GABRG3: variants seen among roughly 807,000 people sequenced by gnomAD.
The protein encoded by GABRG3 is gamma-aminobutyric acid receptor subunit gamma-3.
GABRG3 carries 25 observed loss-of-function variants against 48.8 expected under a neutral mutation model. That is an observed-to-expected ratio of 0.51 (90% CI 0.37 to 0.72). GABRG3 has a LOEUF of 0.72. Ranked by LOEUF, GABRG3 falls within the 30% of genes least tolerant of loss-of-function variation. The pLI, the probability that GABRG3 is intolerant of heterozygous loss-of-function variation, is 0.00. For missense variants in GABRG3, 394 were observed against 577.9 expected, an observed-to-expected ratio of 0.68 and a Z score of 3.26; for synonymous variants, 227 against 217.6, an observed-to-expected ratio of 1.04 and a Z score of -0.38.
In GABRG3 at chr15:27,180,324, G is replaced by GAA. The variant is rs554080527; in HGVS notation, c.271-146477_271-146476dup. On this transcript the variant is annotated intron_variant, in intron 3 of 9. Coordinates refer to ENST00000615808, the MANE Select transcript of GABRG3 (RefSeq NM_033223.5). The surrounding 1 kb of genome is among the most constrained non-coding windows in gnomAD (Gnocchi z 4.2). ...AACGGGCAAATGGCTTGAGTGAAAG[G>GAA]AAAAAAAAATGAGATTGAACAAGAA... Among the ~76,000 whole-genome samples the GAA allele has an allele frequency of 3.3e-5, 5 of 149,984 alleles. No individual in the cohort carries two copies. Among genetic ancestry groups the GAA allele is most frequent in the African/African-American group, 9.8e-5 (4 of 40,798 alleles).
At chr15:27,328,326 C>T (rs942341251) in intron 4 of GABRG3, among the ~76,000 whole-genome samples, 2 of 152,164 alleles carry the variant, frequency 1.3e-5, no homozygotes, top group Non-Finnish European at 2.9e-5. Flanking sequence ...GGGGCTGCTG[C>T]CCTGGGAGGA....
chr15:27,212,147 T>C (rs1283178754), intron 3 of GABRG3, among the ~76,000 whole-genome samples: 1 of 152,196 alleles, frequency 6.6e-6, no homozygotes. Flanking sequence ...AGAAAACAAA[T>C]CAGTGTAACT....
intron 3 of GABRG3, among the ~76,000 whole-genome samples, chr15:27,197,913 T>C (rs1888547828): frequency 6.6e-6 from 1 of 152,212 alleles, no homozygotes; most frequent in Non-Finnish European, 1.5e-5. Flanking sequence ...TTTATAGTAT[T>C]ATCTGGTGGT....
intron 5 of GABRG3, among the ~76,000 whole-genome samples, chr15:27,336,144 G>A (rs367721721): frequency 2.0e-5 from 3 of 151,798 alleles, no homozygotes; most frequent in African/African-American, 7.3e-5. Flanking sequence ...AGCCAAGATC[G>A]TGCCATTGCA....
chr15:26,973,656 T>C (rs1188564605), intron 1 of GABRG3, among the ~76,000 whole-genome samples: 1 of 152,172 alleles, frequency 6.6e-6, no homozygotes, highest in Non-Finnish European at 1.5e-5. Context: ...TTGACACCCA[T>C]GGGCATCATA....
chr15:27,093,739 T>A (rs1897230701), intron 3 of GABRG3, among the ~76,000 whole-genome samples: 1 of 152,196 alleles, frequency 6.6e-6, no homozygotes, highest in Admixed American at 6.5e-5. Context: ...GGATACTCTG[T>A]AAGTCAGAGA....
At chr15:27,335,522 A>G (rs1893935010) in intron 5 of GABRG3, among the ~76,000 whole-genome samples, 1 of 152,204 alleles carries the variant, frequency 6.6e-6, no homozygotes, top group African/African-American at 2.4e-5. Flanking sequence ...TATACCACGG[A>G]TGTTCAGATG....
chr15:27,288,038 ATTTGTTGTGTCT>A (rs1223135201), intron 3 of GABRG3, among the ~76,000 whole-genome samples: 1 of 152,172 alleles, frequency 6.6e-6, no homozygotes, highest in East Asian at 1.9e-4. Flanking sequence ...TGCCTGGCCA[ATTTGTTGTGTCT>A]TATACACTGT....
rs550996400 is a variant in GABRG3, at chr15:27,532,851, G to T, written c.1374G>T (p.Leu458=). The part of the protein sequence containing the change: ...FFPTSFLLFN[L]VYWVGYLYL ...CCACGTCCTTCCTGCTCTTTAACCT[G>T]GTCTACTGGGTTGGATACCTGTATC... The change falls in exon 10 of 10, where the codon CTG becomes CTT. Residue 458 remains leucine, a synonymous_variant. Transcript: ENST00000615808. The T allele has an allele frequency of 3.0e-5, 49 of 1,613,936 alleles. No homozygotes were observed. The South Asian group carries it at 5.4e-4, about 18-fold the overall frequency.
Position 27,336,255 on chromosome 15 carries a change from AAAAG to A in GABRG3, c.574+7380_574+7383del, listed in dbSNP as rs150626796. 1.0e-3 allele frequency among the ~76,000 whole-genome samples: 156 copies of A among 149,920 alleles called. 1 individual carries two copies. The highest frequency in any genetic ancestry group is 6.8e-3 in the Middle Eastern group (2 of 292). On this transcript the variant is annotated intron_variant, in intron 5 of 9. Coordinates refer to ENST00000615808, the MANE Select transcript of GABRG3 (RefSeq NM_033223.5). ...GAGAGGAGAAGAAAAGAAAGAAAGA[AAAAG>A]AAAGAAAGAAAGGAAGGAGAGACAG...
chr15:27,145,619 A>ATCTATCTG (rs1361694789), intron 3 of GABRG3, among the ~76,000 whole-genome samples: 9 of 145,030 alleles, frequency 6.2e-5, no homozygotes, highest in African/African-American at 2.1e-4. Context: ...CTATCTATCT[A>ATCTATCTG]TCTATCTATC....
intron 5 of GABRG3, among the ~76,000 whole-genome samples, chr15:27,436,605 T>C (rs1888619036): frequency 6.6e-6 from 1 of 152,188 alleles, no homozygotes; most frequent in African/African-American, 2.4e-5. Flanking sequence ...GTGGAGATGC[T>C]GAGTTACTCA....
intron 4 of GABRG3, 94 bp from the exon 5 acceptor site, chr15:27,328,712 C>A (rs538002043): frequency 2.1e-6 from 2 of 950,370 alleles, no homozygotes; most frequent in Admixed American, 1.9e-5. Flanking sequence ...GGTGACGGAA[C>A]GGCCCTCTCC....
At chr15:27,074,240 G>C (rs1283843711) in intron 3 of GABRG3, among the ~76,000 whole-genome samples, 2 of 152,156 alleles carry the variant, frequency 1.3e-5, no homozygotes, top group African/African-American at 4.8e-5. Context: ...GATGAGATTT[G>C]GGTGAGGACA....
rs1294762355 is a variant in GABRG3 at position 27,319,074 on chromosome 15, AT to A, written c.271-7734del. Among the ~76,000 whole-genome samples, 1 of 152,342 alleles carries A rather than the reference AT, an allele frequency of 6.6e-6. No homozygotes were observed. Among genetic ancestry groups the A allele is most frequent in the African/African-American group, 2.4e-5 (1 of 41,580 alleles). ...TAAATGTTCTCACCACCATAAAAAA[AT>A]AAAAGGCAACTGTGAGGTGATGGAT... is the stretch of plus-strand genomic sequence containing the variant. On this transcript the variant is annotated intron_variant, in intron 3 of 9. Transcript: ENST00000615808. This position sits in a 1 kb window ranked among gnomAD's most constrained non-coding sequence, Gnocchi z 4.4.
intron 6 of GABRG3, among the ~76,000 whole-genome samples, chr15:27,508,464 A>G (rs558770169): frequency 8.5e-4 from 129 of 152,198 alleles, no homozygotes; most frequent in African/African-American, 3.0e-3. Context: ...ATTTTTTCTT[A>G]TGCTATAAAC....
chr15:27,200,218 G>A (rs1888636475), intron 3 of GABRG3, among the ~76,000 whole-genome samples: 1 of 152,194 alleles, frequency 6.6e-6, no homozygotes, highest in Non-Finnish European at 1.5e-5. Context: ...GATTGACATT[G>A]CCTCTGTGCA....
Position 27,092,793 on chromosome 15 carries a change from GA to G in GABRG3, c.270+65974del, listed in dbSNP as rs149546918. Among the ~76,000 whole-genome samples the G allele has an allele frequency of 3.1e-3, 476 of 152,224 alleles. 1 individual carries two copies. The highest frequency in any genetic ancestry group is 0.011 in the African/African-American group (460 of 41,528). ...GGTGTCTTTGTTTTACAAAATTAAG[GA>G]ATGGAATTCACAGAAGTCCATCAAA... is the stretch of plus-strand genomic sequence containing the variant. On this transcript the variant is annotated intron_variant, in intron 3 of 9. Transcript: ENST00000615808.
chr15:27,421,214 G>T (rs1888103045), intron 5 of GABRG3, among the ~76,000 whole-genome samples: 1 of 152,164 alleles, frequency 6.6e-6, no homozygotes, highest in South Asian at 2.1e-4. Context: ...CAGAAAGAAG[G>T]CCCACACATT....
Sources: allele counts gnomAD v4.1 joint callset (sites outside exome capture counted in the v4.1 genomes callset), GRCh38; gene constraint gnomAD v4.1.1; non-coding constraint Gnocchi (gnomAD v3.1); transcripts MANE v1.5; gene names NCBI Gene and HGNC (gene_info 2026-07-23, HGNC 2026-07-21).